The following PEPD variants were observed in gnomAD, a reference collection of about 807,000 sequenced individuals.
The protein encoded by PEPD is xaa-Pro dipeptidase.
PEPD carries 53 observed loss-of-function variants against 60.7 expected under a neutral mutation model. That is an observed-to-expected ratio of 0.87 (90% CI 0.70 to 1.10). The LOEUF is 1.10. PEPD is among the 50% of genes least tolerant of loss of function. The probability of loss-of-function intolerance (pLI) is 0.00; values close to 1 mark genes in which losing one functional copy is unlikely to be tolerated. For missense variants in PEPD, 711 were observed against 711.9 expected, an observed-to-expected ratio of 1.00 and a Z score of 0.01; for synonymous variants, 267 against 284.1, an observed-to-expected ratio of 0.94 and a Z score of 0.60.
At chr19:33,493,559 T>C in intron 4 of PEPD, 1 of 622,794 alleles carries the variant, frequency 1.6e-6, no homozygotes, top group Non-Finnish European at 2.9e-6. Context: ...AGGATAAACC[T>C]ACACCTGGCT....
chr19:33,415,078 C>T (rs138947248), intron 9 of PEPD, among the ~76,000 whole-genome samples: 3,154 of 152,278 alleles, frequency 0.021, 55 homozygotes, highest in African/African-American at 0.04. Flanking sequence ...GCCAGACAGG[C>T]AGCCTCAGAA....
At chr19:33,469,961 C>A (rs1484031774) in intron 7 of PEPD, among the ~76,000 whole-genome samples, 6 of 152,042 alleles carry the variant, frequency 3.9e-5, no homozygotes, top group Non-Finnish European at 7.4e-5. Context: ...TCTGCACCCA[C>A]CTGTGGGTCC....
chr19:33,490,971 G>C (rs953511806), intron 5 of PEPD, among the ~76,000 whole-genome samples: 28 of 151,964 alleles, frequency 1.8e-4, no homozygotes, highest in African/African-American at 6.5e-4. Flanking sequence ...CCTGGGCAAG[G>C]CATTTTAAAT....
At chr19:33,464,222 C>A (rs769179347) in intron 7 of PEPD, among the ~76,000 whole-genome samples, 160 bp from the exon 8 acceptor site, 3 of 152,226 alleles carry the variant, frequency 2.0e-5, no homozygotes, top group Non-Finnish European at 4.4e-5. Context: ...GTGACAAGCT[C>A]CATGGAACAG....
chr19:33,391,863 C>T (rs1256435709), intron 12 of PEPD, among the ~76,000 whole-genome samples: 7 of 152,196 alleles, frequency 4.6e-5, no homozygotes, highest in Admixed American at 2.6e-4. Flanking sequence ...GAAACATGCA[C>T]GTCTCCCCAG....
At chr19:33,411,073 G>A (rs551157992) in intron 11 of PEPD, among the ~76,000 whole-genome samples, 1 of 152,308 alleles carries the variant, frequency 6.6e-6, no homozygotes, top group Admixed American at 6.5e-5. Flanking sequence ...TACCCGAGGG[G>A]CGGAGGCCGC....
At chr19:33,453,341 T>TAAATAAATAAATAAATAAAA (rs1255702577) in intron 9 of PEPD, among the ~76,000 whole-genome samples, 1 of 151,920 alleles carries the variant, frequency 6.6e-6, no homozygotes, top group African/African-American at 2.4e-5. Context: ...AATAAATAAA[T>TAAATAAATAAATAAATAAAA]AAAAAAGCAA....
intron 11 of PEPD, among the ~76,000 whole-genome samples, chr19:33,408,130 T>C (rs1968678012): frequency 6.6e-6 from 1 of 152,236 alleles, no homozygotes; most frequent in Non-Finnish European, 1.5e-5. Flanking sequence ...GAGGGGGGCC[T>C]AGCCAGCCCC....
At chr19:33,448,081 T>C (rs1220716085) in intron 9 of PEPD, among the ~76,000 whole-genome samples, 2 of 152,168 alleles carry the variant, frequency 1.3e-5, no homozygotes, top group African/African-American at 4.8e-5. Flanking sequence ...ACCATTCATG[T>C]CATCCACAGA....
chr19:33,494,624 A>G (rs1005959819), intron 4 of PEPD, among the ~76,000 whole-genome samples: 3 of 152,216 alleles, frequency 2.0e-5, no homozygotes, highest in South Asian at 4.1e-4. Flanking sequence ...AGCAGTCACT[A>G]CCGCTGGGGA....
At chr19:33,442,547 TA>T (rs909155956) in intron 9 of PEPD, among the ~76,000 whole-genome samples, 23 of 142,024 alleles carry the variant, frequency 1.6e-4, no homozygotes, top group South Asian at 2.3e-4. Flanking sequence ...AAAAATAAAA[TA>T]AAAAAAAAAA....
At chr19:33,431,992 CA>C (rs906879187) in intron 9 of PEPD, among the ~76,000 whole-genome samples, 4,777 of 77,844 alleles carry the variant, frequency 0.061, 232 homozygotes, top group Admixed American at 0.23. Context: ...GACACCACCT[CA>C]AAAAAAAAAA....
At chr19:33,458,824 A>C (rs79985739) in intron 9 of PEPD, among the ~76,000 whole-genome samples, 1 of 1,180 alleles carries the variant, frequency 8.5e-4, no homozygotes, top group Non-Finnish European at 1.9e-3. Flanking sequence ...GTGTATGTGG[A>C]GTGCGCAGGA....
At chr19:33,442,164 C>A (rs958224392) in intron 9 of PEPD, among the ~76,000 whole-genome samples, 1 of 152,130 alleles carries the variant, frequency 6.6e-6, no homozygotes, top group African/African-American at 2.4e-5. Flanking sequence ...TTTAGGAGGC[C>A]GAGGTGGGTG....
chr19:33,508,077 CT>C (rs757438011), intron 3 of PEPD, among the ~76,000 whole-genome samples: 6 of 151,312 alleles, frequency 4.0e-5, no homozygotes, highest in Non-Finnish European at 8.8e-5. Context: ...TGTTTAGCCC[CT>C]GATCAGACCC....
intron 11 of PEPD, among the ~76,000 whole-genome samples, chr19:33,408,460 T>C (rs1600091372): frequency 1.3e-5 from 2 of 152,368 alleles, no homozygotes; most frequent in East Asian, 3.9e-4. Context: ...GTCAGTTCCC[T>C]GTGTGTGTAT....
intron 1 of PEPD, 21 bp from the exon 2 acceptor site, chr19:33,512,797 AC>A (rs1007456374): frequency 6.2e-7 from 1 of 1,612,998 alleles, no homozygotes; most frequent in Admixed American, 1.7e-5. Context: ...AAGAGCACAC[AC>A]CGCCACACAG....
chr19:33,489,933 C>T (rs1970465940), intron 6 of PEPD, 63 bp downstream of exon 6: 19 of 918,070 alleles, frequency 2.1e-5, no homozygotes, highest in Non-Finnish European at 3.4e-5. Context: ...CCGGGAAAGA[C>T]CTGCTAGTGA....
chr19:33,423,968 G>A (rs780127309), intron 9 of PEPD, among the ~76,000 whole-genome samples: 3 of 152,248 alleles, frequency 2.0e-5, no homozygotes, highest in Non-Finnish European at 4.4e-5. Flanking sequence ...TGTAGGTCAT[G>A]AGGCAGAATG....
Sources: gnomAD v4.1 joint callset for allele counts (sites outside exome capture counted in the v4.1 genomes callset) on GRCh38, gnomAD v4.1.1 for gene constraint, MANE v1.5 for transcripts, NCBI Gene and HGNC (gene_info 2026-07-23, HGNC 2026-07-21) for gene names.